WDR27: variants seen among roughly 807,000 people sequenced by gnomAD.
WDR27 encodes WD repeat-containing protein 27.
In WDR27, 100 loss-of-function variants were observed where a neutral mutation model predicts 114.4. The ratio of observed to expected loss-of-function variants is 0.87; its 90% CI spans 0.74 to 1.03. WDR27 has a LOEUF of 1.03. Among genes scored for constraint, WDR27 ranks in the 50% least tolerant of loss-of-function variants. The pLI is 0.00. For synonymous variants in WDR27, 449 were observed against 423.1 expected (o/e 1.06, Z -0.75); for missense variants, 1,129 against 1,092.9 (o/e 1.03, Z -0.47).
At chr6:169,539,126 C>G (rs769939150) in intron 25 of WDR27, among the ~76,000 whole-genome samples, 17 of 152,164 alleles carry the variant, frequency 1.1e-4, no homozygotes, top group Non-Finnish European at 2.2e-4. Context: ...TACATGCCTT[C>G]CATTTTGTAC....
the WDR27 span, among the ~76,000 whole-genome samples, chr6:169,450,413 G>C: frequency 1.3e-5 from 2 of 152,244 alleles, no homozygotes; most frequent in Non-Finnish European, 2.9e-5. Flanking sequence ...TGTTGAATGA[G>C]TAAATGAACG....
At chr6:169,500,696 C>T (rs1189697731) in intron 25 of WDR27, among the ~76,000 whole-genome samples, 3 of 152,116 alleles carry the variant, frequency 2.0e-5, no homozygotes, top group Admixed American at 6.6e-5. Context: ...TGGAAGCAGT[C>T]GCTGCACATC....
intron 25 of WDR27, among the ~76,000 whole-genome samples, chr6:169,532,821 AAAATT>A (rs1795754797): frequency 6.6e-6 from 1 of 151,948 alleles, no homozygotes; most frequent in African/African-American, 2.4e-5. Flanking sequence ...AGGAAAACTT[AAAATT>A]AAAAAAAAAA....
intron 25 of WDR27, among the ~76,000 whole-genome samples, chr6:169,473,205 C>T (rs1786663568): frequency 6.6e-6 from 1 of 152,224 alleles, no homozygotes; most frequent in South Asian, 2.1e-4. Context: ...AACCAGATCT[C>T]TTAATGTCCG....
chr6:169,448,929 A>G, the WDR27 span, among the ~76,000 whole-genome samples: 1 of 151,938 alleles, frequency 6.6e-6, no homozygotes, highest in East Asian at 1.9e-4. Context: ...GCAGCCTCTA[A>G]CTCCCCCTCC....
intron 25 of WDR27, among the ~76,000 whole-genome samples, chr6:169,530,862 C>T (rs1374410422): frequency 6.6e-6 from 1 of 152,238 alleles, no homozygotes; most frequent in African/African-American, 2.4e-5. Context: ...CTAAGAATCA[C>T]TGTAAACCTT....
chr6:169,484,798 A>T (rs771851131), intron 25 of WDR27, among the ~76,000 whole-genome samples: 14 of 151,944 alleles, frequency 9.2e-5, no homozygotes, highest in Non-Finnish European at 1.9e-4. Flanking sequence ...GTAGCCCTAT[A>T]CCTATACTGG....
intron 18 of WDR27, among the ~76,000 whole-genome samples, chr6:169,637,780 C>T (rs7774252): frequency 0.033 from 4,868 of 147,202 alleles, 163 homozygotes; most frequent in African/African-American, 0.093. Flanking sequence ...CATCTATATG[C>T]GTGTGCCTAC....
At chr6:169,499,798 G>A (rs1790893234) in intron 25 of WDR27, among the ~76,000 whole-genome samples, 1 of 152,222 alleles carries the variant, frequency 6.6e-6, no homozygotes, top group African/African-American at 2.4e-5. Context: ...AGAGAGATGG[G>A]CCCGTCACAG....
chr6:169,589,780 C>T (rs1805349361), intron 23 of WDR27, among the ~76,000 whole-genome samples: 1 of 152,100 alleles, frequency 6.6e-6, no homozygotes, highest in Admixed American at 6.5e-5. Context: ...AACAGCTCTG[C>T]AAATGATTCA....
chr6:169,551,850 C>A (rs968116449), intron 25 of WDR27, among the ~76,000 whole-genome samples: 2 of 152,078 alleles, frequency 1.3e-5, no homozygotes, highest in South Asian at 4.1e-4. Context: ...GTCATAACCA[C>A]GCAACTCCGC....
rs1817181446 is a variant in WDR27 at position 169,634,435 on chromosome 6, A to C, written c.2094T>G (p.Phe698Leu). The change falls in exon 20 of 26, where the codon TTT becomes TTG. Residue 698 changes from phenylalanine to leucine, a missense_variant. Physicochemically the swap from Phe to Leu is conservative, Grantham distance 22 (BLOSUM62 0). Coordinates refer to ENST00000448612, the MANE Select transcript of WDR27 (RefSeq NM_182552.5). ...DMTSLSAVND[F>L]YSHIVLAAGR... ...ATCCGGGAGAAAGGATACGGGAATAAAAGTCGTTGACTGCCGATAAACTGG... is the reference window on the plus strand; with the variant it reads ...ATCCGGGAGAAAGGATACGGGAATACAAGTCGTTGACTGCCGATAAACTGG... 4 of 1,611,750 alleles carry C rather than the reference A, an allele frequency of 2.5e-6. No homozygotes were observed. The African/African-American group carries it at 4.0e-5, about 16-fold the overall frequency.
intron 23 of WDR27, among the ~76,000 whole-genome samples, chr6:169,592,424 G>A (rs1805930107): frequency 6.6e-6 from 1 of 152,126 alleles, no homozygotes; most frequent in African/African-American, 2.4e-5. Flanking sequence ...TGTTAATACC[G>A]GAATGGTTTA....
In WDR27 at chr6:169,614,273, C is replaced by T. The variant is rs371161196; in HGVS notation, c.2224-617G>A. Among the ~76,000 whole-genome samples the T allele has an allele frequency of 4.6e-5, 7 of 152,300 alleles. No homozygotes were observed. In the South Asian group the frequency reaches 1.4e-3, roughly 32 times the overall value. ...ATAAATAATGATTTCCATCCTCCTT[C>T]TAGGTCAAGAATATTAAAAATATTA... On this transcript the variant is annotated intron_variant, in intron 21 of 25. Transcript: ENST00000448612.
At chr6:169,522,500 G>C (rs1794501375) in intron 25 of WDR27, among the ~76,000 whole-genome samples, 1 of 151,970 alleles carries the variant, frequency 6.6e-6, no homozygotes, top group Admixed American at 6.6e-5. Context: ...ATTTCACGCA[G>C]TTGCTGCAGA....
At position 169,557,655 on chromosome 6, in the gene WDR27, G is replaced by A. The variant is rs142916039; in HGVS notation, c.2645+14764C>T. On this transcript the variant is annotated intron_variant, in intron 25 of 25. Transcript: ENST00000448612. The stretch of plus-strand genomic sequence containing the variant: ...ATTAAAAACATCAAAGTATAAGCTG[G>A]GCATGGTGGCCCACACCTGTGGTCC... Among the ~76,000 whole-genome samples, 32 of 152,166 alleles carry A rather than the reference G, an allele frequency of 2.1e-4. 1 individual carries two copies. The East Asian group carries it at 5.6e-3, about 27-fold the overall frequency.
the WDR27 span, among the ~76,000 whole-genome samples, chr6:169,438,381 G>T: frequency 6.6e-6 from 1 of 151,810 alleles, no homozygotes; most frequent in East Asian, 1.9e-4. Flanking sequence ...GGGACTACAG[G>T]CACCCACCAC....
chr6:169,658,246 T>G, intron 13 of WDR27, 30 bp downstream of exon 13: 1 of 1,559,050 alleles, frequency 6.4e-7, no homozygotes, highest in Non-Finnish European at 8.7e-7. Context: ...CAGCCTTGTA[T>G]TCTTAGATCT....
intron 2 of WDR27, among the ~76,000 whole-genome samples, chr6:169,678,552 G>C (rs1780670421): frequency 6.6e-6 from 1 of 152,136 alleles, no homozygotes; most frequent in South Asian, 2.1e-4. Context: ...CTTAGGACTT[G>C]GGACTTTTGA....
Sources: allele counts gnomAD v4.1 joint callset (sites outside exome capture counted in the v4.1 genomes callset), GRCh38; gene constraint gnomAD v4.1.1; transcripts MANE v1.5; gene names NCBI Gene and HGNC (gene_info 2026-07-23, HGNC 2026-07-21).